The following BICC1 variants were observed in gnomAD, a reference collection of about 807,000 sequenced individuals.
The protein encoded by BICC1 is protein bicaudal C homolog 1.
In BICC1, 43 loss-of-function variants were observed where a neutral mutation model predicts 111.0. That is an observed-to-expected ratio of 0.39 (90% confidence interval 0.30 to 0.50). The LOEUF is 0.50. Ranked by LOEUF, BICC1 falls within the 20% of genes least tolerant of loss-of-function variation. The pLI is 0.88. For missense variants in BICC1, 1,091 were observed against 1,203.2 expected, an observed-to-expected ratio of 0.91 and a Z score of 1.38; for synonymous variants, 467 against 434.4, an observed-to-expected ratio of 1.07 and a Z score of -0.93.
chr10:58,570,135 G>C (rs1318248944), intron 1 of BICC1, among the ~76,000 whole-genome samples: 2 of 152,194 alleles, frequency 1.3e-5, no homozygotes, highest in Non-Finnish European at 2.9e-5. Context: ...ACTATAAGTT[G>C]TCAGTTGCAG....
intron 17 of BICC1, among the ~76,000 whole-genome samples, chr10:58,809,319 G>T (rs915880304): frequency 6.6e-6 from 1 of 151,922 alleles, no homozygotes; most frequent in Non-Finnish European, 1.5e-5. Flanking sequence ...CAGGTGTGAG[G>T]TTCTTTTAAG....
rs913847783 is a variant in BICC1, at chr10:58,820,032, A to C, written c.2695-337A>C. On this transcript the variant is annotated intron_variant, in intron 19 of 20. Coordinates refer to ENST00000373886, the MANE Select transcript of BICC1 (RefSeq NM_001080512.3). Reference sequence around the variant, plus strand: ...TTTCTTCTTATAAAGATAAAGATACACTTAACCAATTTAAAATCCCAACCT... The same window carrying C: ...TTTCTTCTTATAAAGATAAAGATACCCTTAACCAATTTAAAATCCCAACCT... 5.9e-5 allele frequency among the ~76,000 whole-genome samples: 9 copies of C among 152,296 alleles called. No individual in the cohort carries two copies. The South Asian group carries it at 1.0e-3, about 18-fold the overall frequency.
intron 2 of BICC1, among the ~76,000 whole-genome samples, chr10:58,696,688 A>G (rs961728984): frequency 8.5e-5 from 13 of 152,238 alleles, no homozygotes; most frequent in African/African-American, 2.7e-4. Context: ...TCTTTTGTCA[A>G]TGAGGATGTC....
In BICC1 at chr10:58,803,163, C is replaced by T. The variant is rs1328813339; in HGVS notation, c.2102C>T (p.Ala701Val). The change falls in exon 15 of 21, where the codon GCT becomes GTT. Residue 701 changes from alanine to valine, a missense_variant. Ala to Val is a moderately conservative substitution (Grantham distance 64). This residue lies in a region of BICC1 where 843 missense variants were observed against 900.8 expected (regional missense o/e 0.94). Coordinates refer to ENST00000373886, the MANE Select transcript of BICC1 (RefSeq NM_001080512.3). Reference sequence around the variant, plus strand: ...AAGAAGGCTCCAGGGAGTGAGCGCGCTGCAGAGAGGGCAGCAGCTGCCCAG... The same window carrying T: ...AAGAAGGCTCCAGGGAGTGAGCGCGTTGCAGAGAGGGCAGCAGCTGCCCAG... ...ADKKAPGSER[A>V]AERAAAAQQN... 6.2e-7 allele frequency: 1 copy of T among 1,612,036 alleles called. No individual in the cohort carries two copies. Among genetic ancestry groups the T allele is most frequent in the Non-Finnish European group, 8.5e-7 (1 of 1,179,016 alleles).
At chr10:58,755,402 G>A (rs1001089356) in intron 3 of BICC1, among the ~76,000 whole-genome samples, 5 of 152,192 alleles carry the variant, frequency 3.3e-5, no homozygotes, top group Admixed American at 1.3e-4. Flanking sequence ...TTCCTTGGTG[G>A]ACAACCAGAG....
At chr10:58,607,812 C>G (rs1845279246) in intron 1 of BICC1, among the ~76,000 whole-genome samples, 1 of 152,166 alleles carries the variant, frequency 6.6e-6, no homozygotes, top group Non-Finnish European at 1.5e-5. Flanking sequence ...TGCTACATGG[C>G]TGTCTTATGA....
chr10:58,651,870 T>A (rs964064565), intron 2 of BICC1, among the ~76,000 whole-genome samples: 1 of 152,148 alleles, frequency 6.6e-6, no homozygotes, highest in African/African-American at 2.4e-5. Context: ...TTGGCAAAGG[T>A]AGACATGATT....
At chr10:58,673,301 A>C (rs1173720953) in intron 2 of BICC1, among the ~76,000 whole-genome samples, 1 of 152,148 alleles carries the variant, frequency 6.6e-6, no homozygotes, top group African/African-American at 2.4e-5. Context: ...TAGGGTAACA[A>C]TTTTTCTGGC....
chr10:58,785,136 T>C (rs1031526797), intron 4 of BICC1, 56 bp downstream of exon 4: 2 of 995,018 alleles, frequency 2.0e-6, no homozygotes, highest in Non-Finnish European at 1.5e-6. Context: ...CAAGGGCTAC[T>C]TCATGCCGTT....
At chr10:58,564,862 A>G (rs1041833097) in intron 1 of BICC1, among the ~76,000 whole-genome samples, 2 of 152,236 alleles carry the variant, frequency 1.3e-5, no homozygotes, top group Non-Finnish European at 2.9e-5. Context: ...AAAATATGAA[A>G]TAATATACTT....
intron 4 of BICC1, among the ~76,000 whole-genome samples, chr10:58,785,630 A>T (rs189959820): frequency 2.0e-5 from 3 of 152,252 alleles, no homozygotes; most frequent in Non-Finnish European, 4.4e-5. Flanking sequence ...AAAAATTTAT[A>T]CTCATTTGTG....
intron 2 of BICC1, among the ~76,000 whole-genome samples, chr10:58,662,797 TAAGA>T (rs1280668182): frequency 2.0e-5 from 3 of 152,194 alleles, no homozygotes; most frequent in African/African-American, 7.2e-5. Flanking sequence ...AACAATCTGG[TAAGA>T]AAGGAAAAGT....
intron 11 of BICC1, 123 bp from the exon 12 acceptor site, chr10:58,798,933 G>A (rs577877183): frequency 1.4e-5 from 10 of 704,514 alleles, no homozygotes; most frequent in Non-Finnish European, 2.3e-5. Context: ...TGTTTACAGA[G>A]GTGTCAAAAT....
intron 3 of BICC1, among the ~76,000 whole-genome samples, chr10:58,760,080 G>A (rs1204878958): frequency 1.3e-5 from 2 of 152,100 alleles, no homozygotes; most frequent in Admixed American, 6.5e-5. Context: ...CGCGTTTTAA[G>A]CAAATGTGTT....
intron 1 of BICC1, among the ~76,000 whole-genome samples, chr10:58,531,704 A>G (rs1833922753): frequency 6.6e-6 from 1 of 151,874 alleles, no homozygotes; most frequent in Non-Finnish European, 1.5e-5. Context: ...ATCAATTAAG[A>G]GATGGAAACT....
intron 3 of BICC1, among the ~76,000 whole-genome samples, chr10:58,734,109 C>CT (rs1841398982): frequency 6.6e-6 from 1 of 152,176 alleles, no homozygotes; most frequent in Non-Finnish European, 1.5e-5. Flanking sequence ...ATGAGGAAGA[C>CT]TTTAACACAA....
At chr10:58,727,191 A>AAT (rs1309544079) in intron 3 of BICC1, among the ~76,000 whole-genome samples, 2 of 152,262 alleles carry the variant, frequency 1.3e-5, no homozygotes, top group African/African-American at 2.4e-5. Flanking sequence ...GTAAGAAAAT[A>AAT]ATATATATAT....
intron 15 of BICC1, 133 bp downstream of exon 15, chr10:58,803,375 A>C: frequency 1.4e-6 from 1 of 710,222 alleles, no homozygotes; most frequent in Non-Finnish European, 2.1e-6. Flanking sequence ...TGAAATTTAA[A>C]TATATATGTA....
chr10:58,697,082 T>G (rs1251513479), intron 2 of BICC1, among the ~76,000 whole-genome samples: 1 of 152,230 alleles, frequency 6.6e-6, no homozygotes, highest in East Asian at 1.9e-4. Context: ...TCAGGTAACA[T>G]TTCACACAAC....
Sources: gnomAD v4.1 joint callset for allele counts (sites outside exome capture counted in the v4.1 genomes callset) on GRCh38, gnomAD v4.1.1 for gene constraint, gnomAD v4.1.1 regional missense constraint, MANE v1.5 for transcripts, NCBI Gene and HGNC (gene_info 2026-07-23, HGNC 2026-07-21) for gene names.